The following CGNL1 variants were observed in gnomAD, a reference collection of about 807,000 sequenced individuals.
CGNL1 encodes cingulin like 1, also known as cingulin-like protein 1.
In CGNL1, 132 loss-of-function variants were observed where a neutral mutation model predicts 141.2. The ratio of observed to expected loss-of-function variants is 0.93; its 90% CI spans 0.81 to 1.08. The LOEUF (loss-of-function observed/expected upper bound fraction) is 1.08, where lower values mean the gene tolerates loss of function less well. Among genes scored for constraint, CGNL1 ranks in the 50% least tolerant of loss-of-function variants. The pLI, the probability that CGNL1 is intolerant of heterozygous loss-of-function variation, is 0.00. For missense variants in CGNL1, 1,870 were observed against 1,588.6 expected (o/e 1.18, Z -3.01); for synonymous variants, 690 against 622.1 (o/e 1.11, Z -1.63).
chr15:57,547,360 A>T lies in CGNL1; in HGVS notation c.3779A>T (p.Lys1260Met). 6.2e-7 allele frequency: 1 copy of T among 1,614,168 alleles called. No homozygotes were observed. Among genetic ancestry groups the T allele is most frequent in the Admixed American group, 1.7e-5 (1 of 60,010 alleles). Residue 1260 changes from lysine to methionine, a missense_variant, in exon 19 of 19, where the codon AAG becomes ATG. Transcript: ENST00000281282. The part of the protein sequence containing the change: ...LNSMKKDLRL[K>M]KLPSKVLDDM... ...GCCCCTTGTCATTTCAGCAGACTGA[A>T]GAAGCTGCCGAGTAAAGTGCTGGAT...
intron 8 of CGNL1, among the ~76,000 whole-genome samples, chr15:57,503,240 C>G (rs1324486385): frequency 6.6e-6 from 1 of 152,222 alleles, no homozygotes; most frequent in African/African-American, 2.4e-5. Context: ...TCCTCCTACT[C>G]CTGATGAGGT....
intron 14 of CGNL1, among the ~76,000 whole-genome samples, chr15:57,536,147 A>G (rs2032247001): frequency 6.6e-6 from 1 of 152,208 alleles, no homozygotes; most frequent in Admixed American, 6.5e-5. Context: ...GAGTGTGTGT[A>G]GGGGAACTGC....
intron 8 of CGNL1, among the ~76,000 whole-genome samples, chr15:57,472,638 C>T (rs1567139550): frequency 6.6e-6 from 1 of 152,100 alleles, no homozygotes; most frequent in Non-Finnish European, 1.5e-5. Flanking sequence ...GGATTATTAC[C>T]TGTCCCTGTC....
intron 1 of CGNL1, among the ~76,000 whole-genome samples, chr15:57,388,564 A>G (rs1287992700): frequency 2.0e-5 from 3 of 152,224 alleles, no homozygotes; most frequent in Non-Finnish European, 4.4e-5. Flanking sequence ...GTGTGCTCGC[A>G]CGACTGTACT....
At chr15:57,541,872 T>C (rs2032583013) in intron 14 of CGNL1, among the ~76,000 whole-genome samples, 1 of 152,306 alleles carries the variant, frequency 6.6e-6, no homozygotes, top group African/African-American at 2.4e-5. Flanking sequence ...AATTTTAAAA[T>C]GTGAGCATTT....
intron 8 of CGNL1, among the ~76,000 whole-genome samples, chr15:57,486,612 G>A (rs2063788945): frequency 6.6e-6 from 1 of 152,168 alleles, no homozygotes; most frequent in South Asian, 2.1e-4. Flanking sequence ...GCTTGTCAAG[G>A]GTGACCTTCA....
intron 11 of CGNL1, among the ~76,000 whole-genome samples, chr15:57,524,309 C>T (rs1178352936): frequency 5.9e-5 from 9 of 152,178 alleles, no homozygotes; most frequent in South Asian, 2.1e-4. Context: ...AGGTTAACGA[C>T]GTGCCCCAGT....
At chr15:57,510,693 C>T (rs148341589) in intron 8 of CGNL1, among the ~76,000 whole-genome samples, 58 of 152,326 alleles carry the variant, frequency 3.8e-4, no homozygotes, top group African/African-American at 1.3e-3. Flanking sequence ...AGCAGTTCTT[C>T]GCAGTCCCTT....
At chr15:57,475,633 C>T (rs754084332) in intron 8 of CGNL1, among the ~76,000 whole-genome samples, 9 of 150,792 alleles carry the variant, frequency 6.0e-5, no homozygotes, top group Non-Finnish European at 8.8e-5. Context: ...TGACACACCA[C>T]ATCTCTGATC....
intron 1 of CGNL1, among the ~76,000 whole-genome samples, chr15:57,387,999 A>G (rs748347738): frequency 6.6e-6 from 1 of 152,222 alleles, no homozygotes; most frequent in African/African-American, 2.4e-5. Context: ...CCACATAGAT[A>G]TGTAAAACCA....
chr15:57,404,177 A>G (rs2062690069), intron 1 of CGNL1, among the ~76,000 whole-genome samples: 1 of 152,178 alleles, frequency 6.6e-6, no homozygotes, highest in Non-Finnish European at 1.5e-5. Context: ...GCCTGGCAGT[A>G]TTTCCAGGAA....
At chr15:57,415,658 C>T (rs2062840156) in intron 1 of CGNL1, among the ~76,000 whole-genome samples, 1 of 152,220 alleles carries the variant, frequency 6.6e-6, no homozygotes, top group South Asian at 2.1e-4. Flanking sequence ...CTCTGAGCCC[C>T]ATTTGGAGGC....
rs1267905337 is a variant in CGNL1 at position 57,429,410 on chromosome 15, G to A, written c.-15-8575G>A. ...GTGACTGCAGGGGTGCAGTGATGAG[G>A]AGGATTCTGAAGCCAGATTTGCGCT... On this transcript the variant is annotated intron_variant, in intron 1 of 18. Transcript: ENST00000281282. 5.3e-5 allele frequency among the ~76,000 whole-genome samples: 8 copies of A among 152,216 alleles called. 1 individual carries two copies. The highest frequency in any genetic ancestry group is 3.3e-4 in the Admixed American group (5 of 15,282).
intron 4 of CGNL1, among the ~76,000 whole-genome samples, chr15:57,444,567 T>G (rs1220328235): frequency 6.6e-6 from 1 of 152,230 alleles, no homozygotes; most frequent in East Asian, 1.9e-4. Context: ...GGTCACAGAC[T>G]AGGGGTGAAC....
chr15:57,432,396 A>G (rs2063055452), intron 1 of CGNL1, among the ~76,000 whole-genome samples: 1 of 152,222 alleles, frequency 6.6e-6, no homozygotes, highest in East Asian at 1.9e-4. Flanking sequence ...TCTATCTGGC[A>G]TATGTTCATA....
intron 8 of CGNL1, among the ~76,000 whole-genome samples, chr15:57,485,914 C>T (rs2063779555): frequency 6.6e-6 from 1 of 152,128 alleles, no homozygotes; most frequent in Non-Finnish European, 1.5e-5. Flanking sequence ...CTTCTGGTGC[C>T]CAGTCTCACT....
chr15:57,487,380 AGAG>A (rs1400050611), intron 8 of CGNL1, among the ~76,000 whole-genome samples: 2 of 152,132 alleles, frequency 1.3e-5, no homozygotes, highest in African/African-American at 4.8e-5. Flanking sequence ...AAAAGGTAAA[AGAG>A]GAGGATTGGT....
intron 8 of CGNL1, 66 bp downstream of exon 8, chr15:57,461,958 C>T (rs1315861222): frequency 1.7e-6 from 2 of 1,166,406 alleles, no homozygotes; most frequent in African/African-American, 1.5e-5. Context: ...CTCTCCCACA[C>T]CACTGCAAAT....
intron 8 of CGNL1, among the ~76,000 whole-genome samples, chr15:57,483,764 C>T (rs1480739339): frequency 1.3e-5 from 2 of 152,036 alleles, no homozygotes; most frequent in African/African-American, 4.8e-5. Context: ...GAATTGGATG[C>T]TCTTTAGTTG....
Sources: gnomAD v4.1 joint callset for allele counts (sites outside exome capture counted in the v4.1 genomes callset) on GRCh38, gnomAD v4.1.1 for gene constraint, MANE v1.5 for transcripts, NCBI Gene and HGNC (gene_info 2026-07-23, HGNC 2026-07-21) for gene names.